The following MEIS2 variants were observed in gnomAD, a reference collection of about 807,000 sequenced individuals.
The protein encoded by MEIS2 is Meis homeobox 2, also known as homeobox protein Meis2.
A neutral mutation model predicts 58.6 loss-of-function variants in MEIS2; 9 were observed. That is an observed-to-expected ratio of 0.15 (90% CI 0.09 to 0.27). The LOEUF (loss-of-function observed/expected upper bound fraction) is 0.27, where lower values mean the gene tolerates loss of function less well. MEIS2 is among the 10% of genes least tolerant of loss of function. The probability of loss-of-function intolerance (pLI) is 1.00; values close to 1 mark genes in which losing one functional copy is unlikely to be tolerated. For synonymous variants in MEIS2, 221 were observed against 228.4 expected (o/e 0.97, Z 0.29); for missense variants, 427 against 635.0 (o/e 0.67, Z 3.52).
chr15:36,976,064 A>G (rs2059738800), intron 8 of MEIS2, among the ~76,000 whole-genome samples: 2 of 152,118 alleles, frequency 1.3e-5, no homozygotes, highest in South Asian at 4.1e-4. Context: ...TAAAAGGAAA[A>G]GACAAGTAAT....
chr15:36,967,156 A>G (rs1398221672), intron 8 of MEIS2, among the ~76,000 whole-genome samples: 1 of 152,228 alleles, frequency 6.6e-6, no homozygotes, highest in Non-Finnish European at 1.5e-5. Context: ...GGAGTTTTCT[A>G]CATCAATCCT....
chr15:36,892,884 A>G (rs2055952255), intron 11 of MEIS2, among the ~76,000 whole-genome samples: 1 of 152,222 alleles, frequency 6.6e-6, no homozygotes, highest in African/African-American at 2.4e-5. Context: ...ACATCTTATC[A>G]TATCTATATT....
chr15:37,031,375 G>C (rs2061913216), intron 8 of MEIS2, among the ~76,000 whole-genome samples: 1 of 151,260 alleles, frequency 6.6e-6, no homozygotes, highest in Non-Finnish European at 1.5e-5. Context: ...AAGTCTCTCT[G>C]TTTCTGTTTC....
At chr15:36,947,104 G>T (rs1406446037) in intron 9 of MEIS2, among the ~76,000 whole-genome samples, 1 of 151,950 alleles carries the variant, frequency 6.6e-6, no homozygotes, top group Non-Finnish European at 1.5e-5. Context: ...ACAGTGAGGT[G>T]CACACATTGA....
In MEIS2 at chr15:37,097,830, T is replaced by C. The variant is rs577998951; in HGVS notation, c.245+137A>G. ...AGAGCAGGCCCCCTCCACGGTCCCTTCCTAAGGCAAGCGGCGCCCGCCCCC... is the reference window on the plus strand; with the variant it reads ...AGAGCAGGCCCCCTCCACGGTCCCTCCCTAAGGCAAGCGGCGCCCGCCCCC... On this transcript the variant is annotated intron_variant, in intron 2 of 11. Coordinates refer to ENST00000561208, the MANE Select transcript of MEIS2 (RefSeq NM_170675.5). The C allele has an allele frequency of 1.1e-4, 153 of 1,330,914 alleles. 1 individual carries two copies. In the African/African-American group the frequency reaches 1.8e-3, roughly 16 times the overall value. The allele number at this position is 1,330,914 out of a possible 1,614,324, so 82.4% of individuals were successfully genotyped here. A position where few individuals can be genotyped will look rare whatever the true frequency, so the allele number is the denominator to read the frequency against.
chr15:36,913,834 C>T (rs1250634387), intron 9 of MEIS2, among the ~76,000 whole-genome samples: 1 of 152,096 alleles, frequency 6.6e-6, no homozygotes, highest in African/African-American at 2.4e-5. Context: ...ATACACAACC[C>T]AGCTGAGGTC....
chr15:36,995,561 C>A (rs1288446363), intron 8 of MEIS2, among the ~76,000 whole-genome samples: 2 of 149,040 alleles, frequency 1.3e-5, no homozygotes, highest in African/African-American at 2.4e-5. Flanking sequence ...TCTCCTAAAC[C>A]TTTTACCTGG....
At chr15:36,999,793 T>TAATA (rs2060655647) in intron 8 of MEIS2, among the ~76,000 whole-genome samples, 2 of 152,266 alleles carry the variant, frequency 1.3e-5, no homozygotes, top group South Asian at 4.1e-4. Flanking sequence ...GCAGCTATTA[T>TAATA]GTGCTTGGCA....
At chr15:37,077,386 G>C (rs1267879364) in intron 7 of MEIS2, among the ~76,000 whole-genome samples, 1 of 152,034 alleles carries the variant, frequency 6.6e-6, no homozygotes, top group African/African-American at 2.4e-5. Context: ...AAAGGGTTGT[G>C]CATTGCTTTC....
chr15:36,914,319 G>A (rs1567044810), intron 9 of MEIS2, among the ~76,000 whole-genome samples: 1 of 152,186 alleles, frequency 6.6e-6, no homozygotes. Flanking sequence ...AATATAAATC[G>A]GACTGAACTT....
intron 8 of MEIS2, among the ~76,000 whole-genome samples, chr15:37,035,238 C>G (rs1407771543): frequency 6.6e-6 from 1 of 152,156 alleles, no homozygotes; most frequent in Non-Finnish European, 1.5e-5. Flanking sequence ...CTCACAGTCA[C>G]TCGACTTCCA....
intron 9 of MEIS2, among the ~76,000 whole-genome samples, chr15:36,922,619 C>CTTTCT (rs1456125342): frequency 7.9e-6 from 1 of 126,904 alleles, no homozygotes; most frequent in Non-Finnish European, 1.6e-5. Context: ...TTCTTTCTTT[C>CTTTCT]TTTTTTTTTT....
At chr15:37,069,323 C>T (rs531442952) in intron 7 of MEIS2, among the ~76,000 whole-genome samples, 16 of 152,250 alleles carry the variant, frequency 1.1e-4, no homozygotes, top group Admixed American at 4.6e-4. Flanking sequence ...TGTCTATGTT[C>T]CTATGTATAA....
At position 37,055,077 on chromosome 15, in the gene MEIS2, G is replaced by A. The variant is rs528957106; in HGVS notation, c.755-18118C>T. Reference sequence around the variant, plus strand: ...GGAGCAATTTGCCCAAGGTCTTATAGGTAACAGTGCAGAAACAGGGATGAC... The same window carrying A: ...GGAGCAATTTGCCCAAGGTCTTATAAGTAACAGTGCAGAAACAGGGATGAC... On this transcript the variant is annotated intron_variant, in intron 7 of 11. Coordinates refer to ENST00000561208, the MANE Select transcript of MEIS2 (RefSeq NM_170675.5). 5.9e-5 allele frequency among the ~76,000 whole-genome samples: 9 copies of A among 152,286 alleles called. No individual in the cohort carries two copies. The South Asian group carries it at 1.9e-3, about 32-fold the overall frequency.
At chr15:37,090,264 T>C (rs1015916708) in intron 6 of MEIS2, among the ~76,000 whole-genome samples, 1 of 151,966 alleles carries the variant, frequency 6.6e-6, no homozygotes, top group African/African-American at 2.4e-5. Flanking sequence ...TTGTAATCAA[T>C]ATTGCTTATT....
intron 8 of MEIS2, among the ~76,000 whole-genome samples, chr15:36,987,004 G>A (rs1485228383): frequency 1.3e-5 from 2 of 152,098 alleles, no homozygotes; most frequent in Non-Finnish European, 2.9e-5. Flanking sequence ...CTTGATGATG[G>A]TAAAGTGTGT....
chr15:37,027,622 A>G (rs1454838106), intron 8 of MEIS2, among the ~76,000 whole-genome samples: 1 of 152,090 alleles, frequency 6.6e-6, no homozygotes, highest in Non-Finnish European at 1.5e-5. Flanking sequence ...TGAATTCTTT[A>G]ACATATTTTT....
intron 9 of MEIS2, among the ~76,000 whole-genome samples, chr15:36,913,151 C>T (rs1210698282): frequency 6.6e-6 from 1 of 152,224 alleles, no homozygotes; most frequent in East Asian, 1.9e-4. Flanking sequence ...GAGCTGCTTA[C>T]TGCTACCATC....
intron 8 of MEIS2, among the ~76,000 whole-genome samples, chr15:36,992,297 A>C (rs1184853828): frequency 6.6e-6 from 1 of 152,090 alleles, no homozygotes; most frequent in Non-Finnish European, 1.5e-5. Flanking sequence ...ATAATGTTGA[A>C]ATTAATAATT....
Sources: gnomAD v4.1 joint callset for allele counts (sites outside exome capture counted in the v4.1 genomes callset) on GRCh38, gnomAD v4.1.1 for gene constraint, MANE v1.5 for transcripts, NCBI Gene and HGNC (gene_info 2026-07-23, HGNC 2026-07-21) for gene names.